Variants in AKR1C8 observed in about 807,000 individuals in gnomAD.
AKR1C8 encodes the protein aldo-keto reductase family 1 member C8.
At chr10:5,150,051 G>T in the AKR1C8 span, among the ~76,000 whole-genome samples, 2 of 152,054 alleles carry the variant, frequency 1.3e-5, no homozygotes, top group Non-Finnish European at 2.9e-5. Flanking sequence ...TATTAGTTTG[G>T]TCCCATGCAA....
chr10:5,136,529 C>G, the AKR1C8 span, among the ~76,000 whole-genome samples: 1 of 152,106 alleles, frequency 6.6e-6, no homozygotes, highest in South Asian at 2.1e-4. Flanking sequence ...TTTGCATGAT[C>G]CATGATTAAC....
At chr10:5,156,032 G>T in the AKR1C8 span, among the ~76,000 whole-genome samples, 1 of 152,104 alleles carries the variant, frequency 6.6e-6, no homozygotes, top group Admixed American at 6.5e-5. Flanking sequence ...ATTGAGAATT[G>T]CTTGAGGCAG....
the AKR1C8 span, among the ~76,000 whole-genome samples, chr10:5,129,544 G>T: frequency 0.011 from 1,706 of 152,026 alleles, 26 homozygotes; most frequent in Non-Finnish European, 0.019. Flanking sequence ...CCAAGAAAAG[G>T]AGAGAAGATC....
At chr10:5,122,267 G>C in the AKR1C8 span, 5 of 251,926 alleles carry the variant, frequency 2.0e-5, no homozygotes, top group Non-Finnish European at 3.3e-5. Flanking sequence ...GATGGCATTA[G>C]GGGAGGCATT....
the AKR1C8 span, among the ~76,000 whole-genome samples, chr10:5,156,118 G>A: frequency 6.2e-4 from 95 of 152,248 alleles, 1 homozygote; most frequent in South Asian, 0.019. Flanking sequence ...TCCACACTTG[G>A]TCAGGGATTT....
chr10:5,149,876 T>A, the AKR1C8 span, among the ~76,000 whole-genome samples: 5 of 152,126 alleles, frequency 3.3e-5, no homozygotes, highest in Non-Finnish European at 7.4e-5. Flanking sequence ...AGAAAAAATA[T>A]TTTTCAAATT....
At chr10:5,145,608 C>A in the AKR1C8 span, among the ~76,000 whole-genome samples, 76 of 152,308 alleles carry the variant, frequency 5.0e-4, no homozygotes, top group Admixed American at 1.1e-3. Flanking sequence ...TGCTCATCAT[C>A]ACTGGCCATC....
chr10:5,142,080 T>C, the AKR1C8 span, among the ~76,000 whole-genome samples: 3 of 152,138 alleles, frequency 2.0e-5, no homozygotes, highest in African/African-American at 7.2e-5. Context: ...TGCTGCAGAT[T>C]CTCCATCAGT....
At chr10:5,156,784 T>G in the AKR1C8 span, among the ~76,000 whole-genome samples, 1 of 152,212 alleles carries the variant, frequency 6.6e-6, no homozygotes, top group Non-Finnish European at 1.5e-5. Context: ...ATATACTTAA[T>G]CTAGAACTAC....
At chr10:5,153,909 A>G in the AKR1C8 span, among the ~76,000 whole-genome samples, 1 of 152,220 alleles carries the variant, frequency 6.6e-6, no homozygotes, top group African/African-American at 2.4e-5. Flanking sequence ...CTGTAAGGAA[A>G]GAATTACAGG....
chr10:5,163,096 C>T, the AKR1C8 span: 1 of 449,908 alleles, frequency 2.2e-6, no homozygotes, highest in East Asian at 5.7e-5. Flanking sequence ...ATAGCATTTT[C>T]ACTGTCGGTT....
chr10:5,171,236 TGAA>T, the AKR1C8 span, among the ~76,000 whole-genome samples: 13,026 of 152,072 alleles, frequency 0.086, 662 homozygotes, highest in East Asian at 0.14. Flanking sequence ...AACCACCTTT[TGAA>T]GAAGACCAAA....
the AKR1C8 span, among the ~76,000 whole-genome samples, chr10:5,161,382 G>A: frequency 6.6e-6 from 1 of 152,276 alleles, no homozygotes; most frequent in South Asian, 2.1e-4. Context: ...TAGATCAGCG[G>A]AGCCCAAAGG....
chr10:5,181,942 A>C, the AKR1C8 span, among the ~76,000 whole-genome samples: 4 of 152,330 alleles, frequency 2.6e-5, no homozygotes, highest in African/African-American at 9.6e-5. Flanking sequence ...CTCACAAAAA[A>C]CTAAAATGTT....
the AKR1C8 span, chr10:5,157,822 C>G: frequency 2.2e-6 from 1 of 464,672 alleles, no homozygotes; most frequent in Admixed American, 2.4e-5. Flanking sequence ...GGAACAGACA[C>G]AGATGTGAAG....
chr10:5,179,013 C>T, the AKR1C8 span, among the ~76,000 whole-genome samples: 5 of 151,994 alleles, frequency 3.3e-5, no homozygotes, highest in Non-Finnish European at 7.4e-5. Context: ...GAATTTGATC[C>T]TGTCATTATG....
the AKR1C8 span, among the ~76,000 whole-genome samples, chr10:5,176,891 G>A: frequency 2.0e-5 from 3 of 152,032 alleles, no homozygotes; most frequent in Non-Finnish European, 4.4e-5. Flanking sequence ...GAGACGATGG[G>A]GTTTTCTAGA....
the AKR1C8 span, among the ~76,000 whole-genome samples, chr10:5,145,451 A>T: frequency 6.6e-6 from 1 of 152,322 alleles, no homozygotes; most frequent in African/African-American, 2.4e-5. Context: ...TACTCATCTG[A>T]TAAAGGGCTA....
chr10:5,139,402 A>AT, the AKR1C8 span, among the ~76,000 whole-genome samples: 17 of 152,338 alleles, frequency 1.1e-4, no homozygotes, highest in African/African-American at 4.1e-4. Flanking sequence ...TTCAAACTAT[A>AT]CTACAAGGCT....
Sources: allele counts gnomAD v4.1 joint callset (sites outside exome capture counted in the v4.1 genomes callset), GRCh38; gene constraint gnomAD v4.1.1; transcripts MANE v1.5; gene names NCBI Gene and HGNC (gene_info 2026-07-23, HGNC 2026-07-21).